Variants in HMMR observed in about 807,000 individuals in gnomAD.
The protein encoded by HMMR is intracellular hyaluronic acid-binding protein.
HMMR carries 108 observed loss-of-function variants against 101.0 expected under a neutral mutation model. The observed-to-expected ratio is 1.07, with a 90% CI of 0.92 to 1.25. The LOEUF is 1.25. Among genes scored for constraint, HMMR ranks in the 50% most tolerant of loss-of-function variants. The pLI is 0.00. For synonymous variants in HMMR, 296 were observed against 276.4 expected, an observed-to-expected ratio of 1.07 and a Z score of -0.70; for missense variants, 813 against 788.7, an observed-to-expected ratio of 1.03 and a Z score of -0.37.
intron 1 of HMMR, among the ~76,000 whole-genome samples, chr5:163,460,971 C>T (rs754146232): frequency 7.2e-5 from 11 of 152,096 alleles, no homozygotes; most frequent in Non-Finnish European, 1.3e-4. Context: ...TACATTCAGG[C>T]GGGGAATACT....
chr5:163,486,036 C>T (rs1759466142), intron 16 of HMMR, among the ~76,000 whole-genome samples: 1 of 152,220 alleles, frequency 6.6e-6, no homozygotes, highest in Admixed American at 6.5e-5. Flanking sequence ...ACCACACTGT[C>T]TTGATTACTG....
chr5:163,490,563 A>C lies in HMMR; in HGVS notation c.2125+11A>C. 6.4e-7 allele frequency: 1 copy of C among 1,569,090 alleles called. No homozygotes were observed. Among genetic ancestry groups the C allele is most frequent in the Non-Finnish European group, 8.6e-7 (1 of 1,157,020 alleles). On this transcript the variant is annotated intron_variant, in intron 17 of 17. Transcript: ENST00000393915. ...CCCCATTAAAAGAAGGTAAGACATG[A>C]ATAAATGTATAAAAGTGTCCTCTTC...
chr5:163,463,622 G>A (rs1437405317), intron 1 of HMMR, among the ~76,000 whole-genome samples: 1 of 152,178 alleles, frequency 6.6e-6, no homozygotes, highest in African/African-American at 2.4e-5. Flanking sequence ...TCTCAAAACT[G>A]TCGTTTGCTC....
Position 163,491,238 on chromosome 5 carries a change from T to C in HMMR, c.*74T>C. On this transcript the variant is annotated 3_prime_UTR_variant, in exon 18 of 18. Coordinates refer to ENST00000393915, the MANE Select transcript of HMMR (RefSeq NM_001142556.2). The stretch of plus-strand genomic sequence containing the variant: ...GATGTTGCTGTTATTATATTTGACA[T>C]GGGTATTTTATAATGTTGTATTTAA... 2.5e-6 allele frequency: 2 copies of C among 812,604 alleles called. No individual in the cohort carries two copies. The highest frequency in any genetic ancestry group is 4.0e-6 in the Non-Finnish European group (2 of 504,114). The allele number at this position is 812,604 out of a possible 1,614,324, so 50.3% of individuals were successfully genotyped here.
At chr5:163,476,784 C>A (rs1314710803) in intron 11 of HMMR, among the ~76,000 whole-genome samples, 1 of 152,212 alleles carries the variant, frequency 6.6e-6, no homozygotes, top group Admixed American at 6.5e-5. Context: ...AATCCCACCA[C>A]TTTGGGAAGC....
chr5:163,490,626 AT>A, intron 17 of HMMR, 74 bp downstream of exon 17: 1 of 1,152,534 alleles, frequency 8.7e-7, no homozygotes, highest in Non-Finnish European at 1.3e-6. Context: ...CAAGTCATCC[AT>A]TTTATGAACT....
At position 163,465,678 on chromosome 5, in the gene HMMR, G is replaced by A. The variant is rs569340936; in HGVS notation, c.225+876G>A. 3.0e-4 allele frequency among the ~76,000 whole-genome samples: 45 copies of A among 152,214 alleles called. 1 individual carries two copies. Among genetic ancestry groups the A allele is most frequent in the African/African-American group, 1.1e-3 (45 of 41,536 alleles). On this transcript the variant is annotated intron_variant, in intron 3 of 17. Transcript: ENST00000393915. The stretch of plus-strand genomic sequence containing the variant: ...ATAATACTTTTTAAAAGACAGCTGG[G>A]GGGCGCACAGTGGTTCACGCCTATA...
intron 9 of HMMR, 110 bp downstream of exon 9, chr5:163,473,667 A>T (rs1327652372): frequency 3.1e-6 from 2 of 645,044 alleles, no homozygotes; most frequent in East Asian, 3.0e-5. Context: ...CTATACTAAC[A>T]TTTTAAATAT....
intron 12 of HMMR, among the ~76,000 whole-genome samples, chr5:163,479,385 A>G (rs1759181958): frequency 6.6e-6 from 1 of 152,184 alleles, no homozygotes; most frequent in South Asian, 2.1e-4. Flanking sequence ...AAAATATATT[A>G]ATTAGCTGGC....
At position 163,484,192 on chromosome 5, in the gene HMMR, CA is replaced by C; in HGVS notation, c.1915del (p.Ile639SerfsTer5). On this transcript the variant is annotated frameshift_variant, in exon 16 of 18. Transcript: ENST00000393915. LOFTEE classifies it high-confidence loss of function. ...AKLLGHQNLK[Q>X]KIKHVVKLKD... ...ATTATTGGGTCATCAGAATTTGAAA[CA>C]AAAAATCAAGCATGTTGTGAAGTTG... 2 of 1,601,894 alleles carry C rather than the reference CA, an allele frequency of 1.2e-6. No individual in the cohort carries two copies. Among genetic ancestry groups the C allele is most frequent in the Non-Finnish European group, 1.7e-6 (2 of 1,174,466 alleles).
At chr5:163,469,473 A>T (rs571277522) in intron 4 of HMMR, among the ~76,000 whole-genome samples, 168 bp from the exon 5 acceptor site, 2 of 152,338 alleles carry the variant, frequency 1.3e-5, no homozygotes, top group South Asian at 4.1e-4. Context: ...TTTAAGATGT[A>T]TCATAGGTAA....
chr5:163,477,074 T>G (rs559095026), intron 11 of HMMR, among the ~76,000 whole-genome samples: 1 of 152,320 alleles, frequency 6.6e-6, no homozygotes, highest in African/African-American at 2.4e-5. Flanking sequence ...TCCCGAACTC[T>G]AGTTCCTTAT....
intron 12 of HMMR, among the ~76,000 whole-genome samples, chr5:163,480,592 A>T (rs1317109071): frequency 1.3e-5 from 2 of 152,210 alleles, no homozygotes; most frequent in African/African-American, 4.8e-5. Flanking sequence ...TCTAAAACTT[A>T]ATATCAAATC....
chr5:163,488,673 C>T (rs1759569608), intron 16 of HMMR, among the ~76,000 whole-genome samples: 1 of 152,206 alleles, frequency 6.6e-6, no homozygotes, highest in Non-Finnish European at 1.5e-5. Context: ...GCCTTCCTCT[C>T]TTTCCGTGAA....
intron 17 of HMMR, 64 bp downstream of exon 17, chr5:163,490,616 C>CA: frequency 8.2e-7 from 1 of 1,217,262 alleles, no homozygotes. Context: ...TAGCATTTAG[C>CA]AAGTCATCCA....
chr5:163,471,180 T>C lies in HMMR; in HGVS notation c.463-5T>C, dbSNP rs757983684. ...CTGAATTTTTTACGTGTTTGTTGTA[T>C]TTAGTTTTCTGAAAATGGTAACCAG... On this transcript the variant is annotated splice_polypyrimidine_tract_variant and splice_region_variant and intron_variant, in intron 5 of 17. Coordinates refer to ENST00000393915, the MANE Select transcript of HMMR (RefSeq NM_001142556.2). 154 of 1,557,444 alleles carry C rather than the reference T, an allele frequency of 9.9e-5. 1 individual carries two copies. The highest frequency in any genetic ancestry group is 8.7e-5 in the Non-Finnish European group (98 of 1,129,406).
intron 16 of HMMR, among the ~76,000 whole-genome samples, chr5:163,484,490 G>A (rs1759402357): frequency 6.6e-6 from 1 of 152,082 alleles, no homozygotes; most frequent in Non-Finnish European, 1.5e-5. Flanking sequence ...AATTCATTAA[G>A]CTTTACATAT....
At chr5:163,464,469 A>C (rs894185329) in intron 2 of HMMR, among the ~76,000 whole-genome samples, 1 of 152,126 alleles carries the variant, frequency 6.6e-6, no homozygotes, top group East Asian at 1.9e-4. Context: ...TACAGAAATT[A>C]GCCAGGTGTG....
intron 10 of HMMR, 86 bp downstream of exon 10, chr5:163,474,291 C>A: frequency 3.1e-6 from 3 of 970,638 alleles, no homozygotes; most frequent in South Asian, 3.2e-5. Context: ...TTGTGTATAT[C>A]CTTTGATCTA....
Sources: gnomAD v4.1 joint callset for allele counts (sites outside exome capture counted in the v4.1 genomes callset) on GRCh38, gnomAD v4.1.1 for gene constraint, MANE v1.5 for transcripts, NCBI Gene and HGNC (gene_info 2026-07-23, HGNC 2026-07-21) for gene names.